Variants in DRC10 observed in about 807,000 individuals in gnomAD.
The protein encoded by DRC10 is dynein regulatory complex subunit 10, also known as IQ domain-containing protein D.
At chr12:113,207,890 C>T in the DRC10 span, 1 of 1,614,192 alleles carries the variant, frequency 6.2e-7, no homozygotes, top group African/African-American at 1.3e-5. Flanking sequence ...TCCTCATGCT[C>T]TCTCACTGCC....
the DRC10 span, among the ~76,000 whole-genome samples, chr12:113,197,331 C>A: frequency 3.3e-5 from 5 of 152,022 alleles, no homozygotes; most frequent in African/African-American, 1.2e-4. Flanking sequence ...GCCACAGCAC[C>A]TGGCCTTGCA....
At chr12:113,199,256 T>G in the DRC10 span, among the ~76,000 whole-genome samples, 3 of 152,002 alleles carry the variant, frequency 2.0e-5, no homozygotes, top group East Asian at 5.8e-4. Context: ...AATTTGTAAT[T>G]AGCCAGACGT....
At chr12:113,207,775 A>G in the DRC10 span, 1 of 1,614,100 alleles carries the variant, frequency 6.2e-7, no homozygotes. Context: ...TATGGAAAGG[A>G]GGCGGTCTCT....
At chr12:113,206,932 C>T in the DRC10 span, among the ~76,000 whole-genome samples, 3 of 152,128 alleles carry the variant, frequency 2.0e-5, no homozygotes, top group Non-Finnish European at 4.4e-5. Flanking sequence ...TGGTGACACA[C>T]ACCTGTAGTC....
At chr12:113,209,534 G>A in the DRC10 span, among the ~76,000 whole-genome samples, 3 of 152,154 alleles carry the variant, frequency 2.0e-5, no homozygotes, top group Middle Eastern at 3.2e-3. Flanking sequence ...TAGGACTATA[G>A]GTGCTCGATG....
the DRC10 span, among the ~76,000 whole-genome samples, chr12:113,213,475 A>T: frequency 4.6e-5 from 7 of 152,224 alleles, no homozygotes; most frequent in African/African-American, 1.7e-4. Context: ...CACTGTTCTG[A>T]ATGCTATATA....
chr12:113,200,768 G>A, the DRC10 span: 1 of 1,535,274 alleles, frequency 6.5e-7, no homozygotes, highest in East Asian at 2.4e-5. Flanking sequence ...AGCACCTGGT[G>A]CAGGTGGTTT....
the DRC10 span, among the ~76,000 whole-genome samples, chr12:113,201,733 G>A: frequency 6.6e-6 from 1 of 152,212 alleles, no homozygotes; most frequent in Non-Finnish European, 1.5e-5. Flanking sequence ...TGCTATGGCT[G>A]CTCACGCCAC....
the DRC10 span, among the ~76,000 whole-genome samples, chr12:113,208,816 G>A: frequency 6.6e-6 from 1 of 152,190 alleles, no homozygotes; most frequent in African/African-American, 2.4e-5. Context: ...CAGCCTGGGC[G>A]ACGGAACCAC....
chr12:113,210,414 C>T, the DRC10 span, among the ~76,000 whole-genome samples: 1 of 152,000 alleles, frequency 6.6e-6, no homozygotes, highest in African/African-American at 2.4e-5. Flanking sequence ...CCCAGGAAAA[C>T]GAAAATCCCA....
the DRC10 span, among the ~76,000 whole-genome samples, chr12:113,205,103 AAATGAATTC>A: frequency 6.6e-6 from 1 of 152,028 alleles, no homozygotes; most frequent in African/African-American, 2.4e-5. Context: ...AACTGTAATT[AAATGAATTC>A]TTTAATTCCT....
chr12:113,195,603 C>G, the DRC10 span: 7 of 1,605,454 alleles, frequency 4.4e-6, no homozygotes, highest in African/African-American at 1.3e-5. Flanking sequence ...CTTCTCCTTG[C>G]CTTTCTGCTT....
chr12:113,200,072 C>G, the DRC10 span: 1 of 280,184 alleles, frequency 3.6e-6, no homozygotes, highest in Non-Finnish European at 7.1e-6. Flanking sequence ...TTATTGAACA[C>G]TTACTATGCA....
At chr12:113,207,370 GA>G in the DRC10 span, 4 of 1,361,710 alleles carry the variant, frequency 2.9e-6, no homozygotes, top group Non-Finnish European at 3.1e-6. Context: ...AATCATTGAG[GA>G]AAAACCCAAC....
the DRC10 span, chr12:113,207,278 G>T: frequency 1.4e-6 from 1 of 717,748 alleles, no homozygotes; most frequent in Non-Finnish European, 2.5e-6. Flanking sequence ...AACCTGGGAG[G>T]CAGAGGTTGC....
chr12:113,215,895 G>A, the DRC10 span, among the ~76,000 whole-genome samples: 2 of 152,218 alleles, frequency 1.3e-5, no homozygotes, highest in Non-Finnish European at 2.9e-5. Context: ...ATGTGAAGCA[G>A]AAACTCTGTC....
At chr12:113,220,457 C>A in the DRC10 span, among the ~76,000 whole-genome samples, 1 of 151,652 alleles carries the variant, frequency 6.6e-6, no homozygotes, top group Non-Finnish European at 1.5e-5. Flanking sequence ...TTTCACCATA[C>A]TGGCTAGGCT....
chr12:113,206,172 T>A, the DRC10 span: 1 of 140,074 alleles, frequency 7.1e-6, no homozygotes, highest in East Asian at 2.0e-4. Flanking sequence ...TGAGCTGATA[T>A]CACACCACTG....
the DRC10 span, among the ~76,000 whole-genome samples, chr12:113,209,524 T>C: frequency 6.6e-6 from 1 of 152,182 alleles, no homozygotes. Context: ...CTCAAGTAGC[T>C]AGGACTATAG....
Sources: gnomAD v4.1 joint callset for allele counts (sites outside exome capture counted in the v4.1 genomes callset) on GRCh38, gnomAD v4.1.1 for gene constraint, MANE v1.5 for transcripts, NCBI Gene and HGNC (gene_info 2026-07-23, HGNC 2026-07-21) for gene names.